GTF2IRD1: variants seen among roughly 807,000 people sequenced by gnomAD.
The protein encoded by GTF2IRD1 is GTF2I repeat domain containing 1, also known as general transcription factor II-I repeat domain-containing protein 1.
GTF2IRD1 carries 26 observed loss-of-function variants against 113.2 expected under a neutral mutation model. The observed-to-expected ratio is 0.23, with a 90% CI of 0.17 to 0.32. The LOEUF (loss-of-function observed/expected upper bound fraction) is 0.32, where lower values mean the gene tolerates loss of function less well. GTF2IRD1 is among the 10% of genes least tolerant of loss of function. The pLI is 1.00. For synonymous variants in GTF2IRD1, 484 were observed against 529.1 expected (o/e 0.91, Z 1.17); for missense variants, 864 against 1,280.8 (o/e 0.67, Z 4.97).
chr7:74,469,881 A>AT (rs1314569306), intron 1 of GTF2IRD1, among the ~76,000 whole-genome samples: 2 of 151,426 alleles, frequency 1.3e-5, no homozygotes, highest in Non-Finnish European at 2.9e-5. Context: ...ATTTTTAAAT[A>AT]TTTTTTTGGT....
chr7:74,543,837 AC>A (rs1467452967), intron 14 of GTF2IRD1, among the ~76,000 whole-genome samples: 1 of 143,384 alleles, frequency 7.0e-6, no homozygotes, highest in African/African-American at 2.7e-5. Context: ...GGAGTTTACA[AC>A]CAGCCTGGGG....
intron 1 of GTF2IRD1, among the ~76,000 whole-genome samples, chr7:74,454,699 C>T (rs249685): frequency 0.61 from 91,921 of 151,796 alleles, 28,119 homozygotes; most frequent in East Asian, 0.82. Flanking sequence ...CTGTAGTGGA[C>T]CCCCCGCCCC....
chr7:74,598,353 C>T (rs1187514406), intron 25 of GTF2IRD1, among the ~76,000 whole-genome samples: 1 of 151,946 alleles, frequency 6.6e-6, no homozygotes, highest in Non-Finnish European at 1.5e-5. Context: ...GTAATCCCAA[C>T]ACTTTGGGAG....
Position 74,508,201 on chromosome 7 carries a change from A to G in GTF2IRD1, c.121A>G (p.Met41Val), listed in dbSNP as rs781860483. 1 of 1,611,764 alleles carries G rather than the reference A, an allele frequency of 6.2e-7. No homozygotes were observed. The highest frequency in any genetic ancestry group is 1.1e-5 in the South Asian group (1 of 90,994). Reference sequence around the variant, plus strand: ...CAGCCTCGTGTCTGCCTTAGACTCCATGGTGAGTGTCCCCACCCACCCAAG... The same window carrying G: ...CAGCCTCGTGTCTGCCTTAGACTCCGTGGTGAGTGTCCCCACCCACCCAAG... ...ITSLVSALDS[M>V]CSALSKLNAE... Residue 41 changes from methionine (M) to valine (V), a missense_variant and splice_region_variant, in exon 2 of 27, where the codon ATG (methionine) becomes GTG (valine). Met to Val is a conservative substitution (Grantham distance 21). This residue lies in a region of GTF2IRD1 where 182 missense variants were observed against 266.6 expected (regional missense o/e 0.68). Transcript: ENST00000424337.
chr7:74,486,285 A>T (rs574403990), intron 1 of GTF2IRD1, among the ~76,000 whole-genome samples: 1 of 152,212 alleles, frequency 6.6e-6, no homozygotes, highest in Non-Finnish European at 1.5e-5. Context: ...ACAGAGGCTT[A>T]GGAGAGAGGG....
chr7:74,550,594 T>G (rs1554354734), intron 17 of GTF2IRD1, among the ~76,000 whole-genome samples: 1 of 151,054 alleles, frequency 6.6e-6, no homozygotes, highest in East Asian at 2.0e-4. Flanking sequence ...CTCGAAAATT[T>G]TTTTTTTTTA....
In GTF2IRD1 at chr7:74,578,986, C is replaced by CA. The variant is rs782815032; in HGVS notation, c.2321-10850dup. On this transcript the variant is annotated intron_variant, in intron 22 of 26. Coordinates refer to ENST00000424337, the MANE Select transcript of GTF2IRD1 (RefSeq NM_005685.4). ...TGGGCAACAGAGCGAGATCCTGTCT[C>CA]AAAAAAAAAAAAAAAGCAGAGGAGG... Among the ~76,000 whole-genome samples, 365 of 93,488 alleles carry CA rather than the reference C, an allele frequency of 3.9e-3. 1 individual carries two copies. Among genetic ancestry groups the CA allele is most frequent in the South Asian group, 8.5e-3 (26 of 3,056 alleles). The allele number at this position is 93,488 out of a possible 152,430, so 61.3% of individuals were successfully genotyped here.
chr7:74,482,296 C>T (rs1192662939), intron 1 of GTF2IRD1, among the ~76,000 whole-genome samples: 3 of 144,114 alleles, frequency 2.1e-5, no homozygotes, highest in Non-Finnish European at 3.0e-5. Flanking sequence ...GATGCAATCT[C>T]GGCTCACTGC....
intron 1 of GTF2IRD1, among the ~76,000 whole-genome samples, chr7:74,477,793 C>A (rs1375665233): frequency 1.3e-5 from 2 of 152,178 alleles, no homozygotes; most frequent in South Asian, 2.1e-4. Context: ...CCCCGTGAGC[C>A]AGCGCCCCAG....
intron 25 of GTF2IRD1, among the ~76,000 whole-genome samples, chr7:74,595,782 G>T (rs1802374723): frequency 6.6e-6 from 1 of 152,204 alleles, no homozygotes; most frequent in African/African-American, 2.4e-5. Flanking sequence ...ACAAGAGGCA[G>T]GCTGGGCCTC....
chr7:74,547,755 CTTTTTTTTTTT>C (rs587743253), intron 17 of GTF2IRD1, among the ~76,000 whole-genome samples: 20 of 114,256 alleles, frequency 1.8e-4, no homozygotes, highest in African/African-American at 3.7e-4. Flanking sequence ...TTCTCTCTCT[CTTTTTTTTTTT>C]TTTTTTTTTT....
At chr7:74,524,543 A>T (rs1554346803) in intron 8 of GTF2IRD1, among the ~76,000 whole-genome samples, 1 of 151,884 alleles carries the variant, frequency 6.6e-6, no homozygotes, top group African/African-American at 2.4e-5. Context: ...TGACCAACAC[A>T]GTGAGACCTC....
intron 22 of GTF2IRD1, among the ~76,000 whole-genome samples, chr7:74,578,429 G>A (rs1554365146): frequency 6.6e-6 from 1 of 152,158 alleles, no homozygotes; most frequent in African/African-American, 2.4e-5. Flanking sequence ...ACCCGCCTCA[G>A]CCTCCCAAAA....
intron 1 of GTF2IRD1, among the ~76,000 whole-genome samples, chr7:74,465,644 G>A (rs1793660697): frequency 6.6e-6 from 1 of 152,132 alleles, no homozygotes; most frequent in South Asian, 2.1e-4. Context: ...TGGCCCTGTG[G>A]GAGCCCCACT....
intron 9 of GTF2IRD1, among the ~76,000 whole-genome samples, chr7:74,534,410 T>G (rs980212993): frequency 1.1e-4 from 16 of 152,168 alleles, no homozygotes; most frequent in Admixed American, 6.6e-5. Flanking sequence ...GAGACCAGCC[T>G]GGCCAACATG....
At chr7:74,476,164 A>T (rs536693664) in intron 1 of GTF2IRD1, among the ~76,000 whole-genome samples, 105 of 151,790 alleles carry the variant, frequency 6.9e-4, no homozygotes, top group African/African-American at 2.4e-3. Flanking sequence ...GATGCTCTGG[A>T]CTCCTGTCTG....
intron 1 of GTF2IRD1, among the ~76,000 whole-genome samples, chr7:74,487,730 T>G (rs1288979871): frequency 2.0e-5 from 3 of 152,246 alleles, no homozygotes; most frequent in African/African-American, 7.2e-5. Flanking sequence ...GGCTTCTGAA[T>G]AAACTGTAGT....
At chr7:74,598,425 A>G (rs1229074880) in intron 25 of GTF2IRD1, among the ~76,000 whole-genome samples, 2 of 151,488 alleles carry the variant, frequency 1.3e-5, no homozygotes, top group African/African-American at 2.4e-5. Context: ...CCTGGCCAAC[A>G]TGGTGAAACC....
Position 74,514,462 on chromosome 7 carries a change from T to C in GTF2IRD1, c.266-979T>C, listed in dbSNP as rs587696429. 6.6e-5 allele frequency among the ~76,000 whole-genome samples: 10 copies of C among 152,260 alleles called. No homozygotes were observed. The South Asian group carries it at 1.0e-3, about 16-fold the overall frequency. ...CTTCTAGAGCCACGCAGAGCCGCTA[T>C]TTATAGCACCAGGAACTCGGCTGGT... is the stretch of plus-strand genomic sequence containing the variant. On this transcript the variant is annotated intron_variant, in intron 3 of 26. Coordinates refer to ENST00000424337, the MANE Select transcript of GTF2IRD1 (RefSeq NM_005685.4).
Sources: gnomAD v4.1 joint callset for allele counts (sites outside exome capture counted in the v4.1 genomes callset) on GRCh38, gnomAD v4.1.1 for gene constraint, gnomAD v4.1.1 regional missense constraint, MANE v1.5 for transcripts, NCBI Gene and HGNC (gene_info 2026-07-23, HGNC 2026-07-21) for gene names.